The following MMP16 variants were observed in gnomAD, a reference collection of about 807,000 sequenced individuals.
MMP16 encodes the protein matrix metallopeptidase 16.
In MMP16, 12 loss-of-function variants were observed where a neutral mutation model predicts 67.8. That is an observed-to-expected ratio of 0.18 (90% CI 0.11 to 0.29). The LOEUF (loss-of-function observed/expected upper bound fraction) is 0.29. Ranked by LOEUF, MMP16 falls within the 10% of genes least tolerant of loss-of-function variation. MMP16 has a pLI of 1.00. For missense variants in MMP16, 475 were observed against 765.7 expected, an observed-to-expected ratio of 0.62 and a Z score of 4.48; for synonymous variants, 249 against 255.9, an observed-to-expected ratio of 0.97 and a Z score of 0.26.
intron 6 of MMP16, among the ~76,000 whole-genome samples, chr8:88,103,089 C>A (rs1279736806): frequency 6.6e-6 from 1 of 151,836 alleles, no homozygotes; most frequent in Non-Finnish European, 1.5e-5. Flanking sequence ...ATTTCTCAAT[C>A]TCCTTGCCTT....
chr8:88,281,570 G>T (rs1244276433), intron 1 of MMP16, among the ~76,000 whole-genome samples: 1 of 152,184 alleles, frequency 6.6e-6, no homozygotes, highest in East Asian at 1.9e-4. Flanking sequence ...TCTGGCCAGT[G>T]GTCTTTCCAG....
At chr8:88,211,515 A>ATAAAGC (rs1328583799) in intron 1 of MMP16, among the ~76,000 whole-genome samples, 1 of 152,152 alleles carries the variant, frequency 6.6e-6, no homozygotes, top group Non-Finnish European at 1.5e-5. Flanking sequence ...GTGTACAATG[A>ATAAAGC]TAAAGCTCCA....
chr8:88,162,111 T>C (rs1331827449), intron 4 of MMP16, among the ~76,000 whole-genome samples: 1 of 152,056 alleles, frequency 6.6e-6, no homozygotes, highest in African/African-American at 2.4e-5. Context: ...AATACTAACA[T>C]AGTGACATAT....
At chr8:88,322,409 TAA>T (rs1811473961) in intron 1 of MMP16, among the ~76,000 whole-genome samples, 1 of 152,214 alleles carries the variant, frequency 6.6e-6, no homozygotes, top group South Asian at 2.1e-4. Flanking sequence ...ATATTTTTAA[TAA>T]ATGGAAAGGT....
At chr8:88,234,329 G>GT in intron 1 of MMP16, among the ~76,000 whole-genome samples, 1 of 152,268 alleles carries the variant, frequency 6.6e-6, no homozygotes, top group East Asian at 1.9e-4. Context: ...CTAAAATGTG[G>GT]TATTACTGCT....
At chr8:88,219,144 A>G (rs1462067925) in intron 1 of MMP16, among the ~76,000 whole-genome samples, 1 of 151,976 alleles carries the variant, frequency 6.6e-6, no homozygotes, top group Non-Finnish European at 1.5e-5. Context: ...ACAGTGGGAA[A>G]TAAAATAAAG....
intron 1 of MMP16, among the ~76,000 whole-genome samples, chr8:88,264,880 A>G (rs1015889509): frequency 6.6e-6 from 1 of 152,246 alleles, no homozygotes; most frequent in Non-Finnish European, 1.5e-5. Context: ...GTTTATACAA[A>G]CATATATAGA....
chr8:88,214,323 C>T (rs1341359056), intron 1 of MMP16, among the ~76,000 whole-genome samples: 1 of 152,098 alleles, frequency 6.6e-6, no homozygotes, highest in Non-Finnish European at 1.5e-5. Context: ...GAAACCATTC[C>T]AATCCATCAA....
chr8:88,282,124 G>A (rs1810751027), intron 1 of MMP16, among the ~76,000 whole-genome samples: 1 of 149,430 alleles, frequency 6.7e-6, no homozygotes, highest in African/African-American at 2.5e-5. Context: ...ATCTAGGCTG[G>A]AGTACAATGG....
chr8:88,158,048 C>G (rs1808544840), intron 4 of MMP16, among the ~76,000 whole-genome samples: 1 of 152,108 alleles, frequency 6.6e-6, no homozygotes, highest in African/African-American at 2.4e-5. Context: ...ATAGGTGCCC[C>G]ATTTTCTTAA....
rs113920619 is a variant in MMP16, at chr8:88,038,054, T to C, written c.*3407A>G. On this transcript the variant is annotated 3_prime_UTR_variant, in exon 10 of 10. Coordinates refer to ENST00000286614, the MANE Select transcript of MMP16 (RefSeq NM_005941.5). The surrounding 1 kb of genome is among the most constrained non-coding windows in gnomAD (Gnocchi z 4.1). The stretch of plus-strand genomic sequence containing the variant: ...AAATTTATTCTGCATTGGTTTTGAA[T>C]CACTATTCTTATGTGCTAGATGAAT... 717 of 152,150 alleles carry C rather than the reference T, an allele frequency of 4.7e-3. 6 individuals are homozygous for C. Among genetic ancestry groups the C allele is most frequent in the African/African-American group, 0.017 (688 of 41,558 alleles). The allele number at this position is 152,150 out of a possible 1,614,324, so 9.4% of individuals were successfully genotyped here. A position where few individuals can be genotyped will look rare whatever the true frequency, so the allele number is the denominator to read the frequency against.
chr8:88,156,809 A>G (rs765336925), intron 4 of MMP16, among the ~76,000 whole-genome samples: 7 of 152,116 alleles, frequency 4.6e-5, no homozygotes, highest in Non-Finnish European at 1.0e-4. Context: ...AAAGACAAAA[A>G]CAATTTAAAG....
At position 88,298,549 on chromosome 8, in the gene MMP16, C is replaced by G. The variant is rs371047773; in HGVS notation, c.132+28526G>C. Among the ~76,000 whole-genome samples, 156 of 152,134 alleles carry G rather than the reference C, an allele frequency of 1.0e-3. 3 individuals are homozygous for G. The South Asian group carries it at 0.03, about 29-fold the overall frequency. ...ACACGAGAGGAGGGGAGATGTTTTT[C>G]AAAATGTAGATTCTGGAGTTCTACT... On this transcript the variant is annotated intron_variant, in intron 1 of 9. Transcript: ENST00000286614.
chr8:88,197,460 A>G (rs897828331), intron 1 of MMP16, among the ~76,000 whole-genome samples, 154 bp from the exon 2 acceptor site: 1 of 152,328 alleles, frequency 6.6e-6, no homozygotes, highest in Admixed American at 6.5e-5. Context: ...TATATATATT[A>G]TGTAGGTTAG....
intron 6 of MMP16, among the ~76,000 whole-genome samples, chr8:88,104,576 A>G (rs1809203570): frequency 6.6e-6 from 1 of 151,670 alleles, no homozygotes; most frequent in African/African-American, 2.4e-5. Context: ...AGTCATGTAA[A>G]ATTATAGCAC....
intron 1 of MMP16, among the ~76,000 whole-genome samples, chr8:88,278,599 G>C (rs1810685168): frequency 6.6e-6 from 1 of 152,166 alleles, no homozygotes; most frequent in African/African-American, 2.4e-5. Context: ...AGTTGGCTTA[G>C]AATTAAAACA....
chr8:88,197,576 G>A (rs536339514), intron 1 of MMP16, among the ~76,000 whole-genome samples: 12 of 152,100 alleles, frequency 7.9e-5, no homozygotes, highest in South Asian at 4.2e-4. Context: ...AATGTATAAC[G>A]TACTATAGCA....
At chr8:88,128,069 A>G (rs1807963398) in intron 4 of MMP16, among the ~76,000 whole-genome samples, 1 of 151,872 alleles carries the variant, frequency 6.6e-6, no homozygotes. Flanking sequence ...TCTAAATAGC[A>G]TTCCAGCTGC....
At chr8:88,285,084 T>C (rs556823929) in intron 1 of MMP16, among the ~76,000 whole-genome samples, 7 of 152,306 alleles carry the variant, frequency 4.6e-5, no homozygotes, top group Non-Finnish European at 7.4e-5. Context: ...CTTCCTGACA[T>C]ACTATAAATC....
Sources: gnomAD v4.1 joint callset for allele counts (sites outside exome capture counted in the v4.1 genomes callset) on GRCh38, gnomAD v4.1.1 for gene constraint, Gnocchi (gnomAD v3.1) non-coding constraint, MANE v1.5 for transcripts, NCBI Gene and HGNC (gene_info 2026-07-23, HGNC 2026-07-21) for gene names.